SP100: variants seen among roughly 807,000 people sequenced by gnomAD.
SP100 encodes the protein nuclear autoantigen Sp-100.
SP100 carries 84 observed loss-of-function variants against 130.0 expected under a neutral mutation model. The ratio of observed to expected loss-of-function variants is 0.65; its 90% CI spans 0.54 to 0.77. The LOEUF is 0.77. Ranked by LOEUF, SP100 falls within the 30% of genes least tolerant of loss-of-function variation. The pLI, the probability that SP100 is intolerant of heterozygous loss-of-function variation, is 0.00. For missense variants in SP100, 978 were observed against 1,052.2 expected (o/e 0.93, Z 0.97); for synonymous variants, 331 against 351.7 (o/e 0.94, Z 0.66).
At chr2:230,512,919 C>T (rs570035276) in intron 24 of SP100, among the ~76,000 whole-genome samples, 12 of 152,288 alleles carry the variant, frequency 7.9e-5, no homozygotes, top group Admixed American at 6.5e-4. Context: ...AGCACGCAAC[C>T]TGGATCCCTC....
In SP100 at chr2:230,438,361, T is replaced by G. The variant is rs1481636508; in HGVS notation, c.108-4576T>G. Among the ~76,000 whole-genome samples the G allele has an allele frequency of 6.6e-5, 10 of 152,228 alleles. No homozygotes were observed. The East Asian group carries it at 1.9e-3, about 29-fold the overall frequency. ...TCATTAGTGGTGATTTCTGAGATTT[T>G]GGTGCATCTGTCACCCAAGCAGTGT... On this transcript the variant is annotated intron_variant, in intron 2 of 28. Coordinates refer to ENST00000340126, the MANE Select transcript of SP100 (RefSeq NM_001080391.2).
chr2:230,420,119 G>A (rs763591514), intron 2 of SP100, among the ~76,000 whole-genome samples: 4 of 152,136 alleles, frequency 2.6e-5, no homozygotes, highest in East Asian at 1.9e-4. Context: ...TTGTTGGGTC[G>A]CTTTAGTTCT....
At chr2:230,436,877 T>C (rs1462825012) in intron 2 of SP100, among the ~76,000 whole-genome samples, 1 of 150,616 alleles carries the variant, frequency 6.6e-6, no homozygotes, top group South Asian at 2.1e-4. Flanking sequence ...TATATGTGTA[T>C]ACACACACAT....
chr2:230,492,010 T>C (rs573644043), intron 17 of SP100, among the ~76,000 whole-genome samples: 1 of 152,308 alleles, frequency 6.6e-6, no homozygotes, highest in East Asian at 1.9e-4. Context: ...TAGTGATTAC[T>C]TTTAGGATTA....
chr2:230,517,538 G>C (rs1451031763), intron 24 of SP100, among the ~76,000 whole-genome samples: 5 of 152,160 alleles, frequency 3.3e-5, no homozygotes, highest in African/African-American at 9.7e-5. Context: ...AAGGCAGGCA[G>C]ATCACCCGAA....
intron 24 of SP100, among the ~76,000 whole-genome samples, chr2:230,530,378 T>G (rs879799377): frequency 2.0e-5 from 3 of 151,084 alleles, no homozygotes; most frequent in Non-Finnish European, 4.5e-5. Context: ...GCTAGCCATA[T>G]GTAGAAAGCT....
intron 24 of SP100, among the ~76,000 whole-genome samples, chr2:230,524,367 AAAAAG>A (rs1691325952): frequency 6.7e-6 from 1 of 149,486 alleles, no homozygotes; most frequent in African/African-American, 2.5e-5. Flanking sequence ...AAAAAAAAAA[AAAAAG>A]AAAAAGAAAA....
intron 15 of SP100, among the ~76,000 whole-genome samples, chr2:230,472,731 G>A (rs2065336879): frequency 6.6e-6 from 1 of 152,166 alleles, no homozygotes; most frequent in Non-Finnish European, 1.5e-5. Flanking sequence ...GATCTGAAAT[G>A]ACCATGAGAT....
chr2:230,489,713 C>T (rs925710106), intron 17 of SP100, among the ~76,000 whole-genome samples: 4 of 152,020 alleles, frequency 2.6e-5, no homozygotes, highest in African/African-American at 7.2e-5. Flanking sequence ...GGTACGTTGT[C>T]TTTTTGTTCT....
intron 8 of SP100, 101 bp from the exon 9 acceptor site, chr2:230,461,161 T>G: frequency 4.4e-6 from 5 of 1,125,816 alleles, no homozygotes; most frequent in Non-Finnish European, 6.5e-6. Flanking sequence ...GGGGTGAAGG[T>G]CTAGCCCCAG....
In SP100 at chr2:230,542,835, G is replaced by T; in HGVS notation, c.2548-1G>T. ...TATTGTTTTTTTCTTTGCTTTTTTA[G>T]GAAGATAAATTCACCAGACTGGGAA... On this transcript the variant is annotated splice_acceptor_variant, in intron 28 of 28. Coordinates refer to ENST00000340126, the MANE Select transcript of SP100 (RefSeq NM_001080391.2). LOFTEE classifies it high-confidence loss of function. The T allele has an allele frequency of 6.3e-7, 1 of 1,586,710 alleles. No homozygotes were observed. The highest frequency in any genetic ancestry group is 8.7e-7 in the Non-Finnish European group (1 of 1,156,012).
At chr2:230,455,184 C>G (rs901909322) in intron 8 of SP100, among the ~76,000 whole-genome samples, 10 of 152,136 alleles carry the variant, frequency 6.6e-5, no homozygotes, top group Non-Finnish European at 1.5e-4. Context: ...AGGCAATCCC[C>G]CCAAGTAGCT....
chr2:230,492,853 A>G (rs570175310), intron 17 of SP100, among the ~76,000 whole-genome samples: 2 of 152,282 alleles, frequency 1.3e-5, no homozygotes, highest in East Asian at 3.9e-4. Flanking sequence ...TAGTTTGCTC[A>G]TTCTTTGTTT....
At chr2:230,416,883 T>G (rs2062613904) in intron 1 of SP100, 1 of 985,322 alleles carries the variant, frequency 1.0e-6, no homozygotes, top group Non-Finnish European at 1.2e-6. Flanking sequence ...AGGCCCAGGG[T>G]GACAAACGGC....
In SP100 at chr2:230,449,068, T is replaced by C; in HGVS notation, c.524-20T>C. On this transcript the variant is annotated intron_variant, in intron 5 of 28. Transcript: ENST00000340126. ...CCATACCTCGATTTCTGAAATAAACTTCTAATTTCTTCCTGCCAGGAACTG... is the reference window on the plus strand; with the variant it reads ...CCATACCTCGATTTCTGAAATAAACCTCTAATTTCTTCCTGCCAGGAACTG... 4.2e-6 allele frequency: 6 copies of C among 1,440,272 alleles called. No homozygotes were observed. The highest frequency in any genetic ancestry group is 4.9e-6 in the Non-Finnish European group (5 of 1,021,406). The allele number at this position is 1,440,272 out of a possible 1,614,324, so 89.2% of individuals were successfully genotyped here. A position where few individuals can be genotyped will look rare whatever the true frequency, so the allele number is the denominator to read the frequency against.
rs115238845 is a variant in SP100, at chr2:230,502,327, G to A, written c.1721-739G>A. Among the ~76,000 whole-genome samples the A allele has an allele frequency of 6.6e-3, 1,002 of 152,216 alleles. 13 individuals are homozygous for A. Among genetic ancestry groups the A allele is most frequent in the African/African-American group, 0.023 (960 of 41,508 alleles). The stretch of plus-strand genomic sequence containing the variant: ...TTGGTCATTTTCCTCACCATTTTCA[G>A]TACAAAACCTTCCAAGTTTACATAT... On this transcript the variant is annotated intron_variant, in intron 19 of 28. Transcript: ENST00000340126.
chr2:230,539,629 T>G (rs1201680270), intron 25 of SP100, among the ~76,000 whole-genome samples: 1 of 152,190 alleles, frequency 6.6e-6, no homozygotes, highest in Non-Finnish European at 1.5e-5. Context: ...AGGTGTCAAC[T>G]TCTACCTCCC....
chr2:230,519,499 T>C (rs1691071689), intron 24 of SP100, among the ~76,000 whole-genome samples: 2 of 152,182 alleles, frequency 1.3e-5, no homozygotes, highest in Non-Finnish European at 2.9e-5. Context: ...ATGTGTGTAT[T>C]GTGACATTCC....
At chr2:230,420,422 G>A (rs753384625) in intron 2 of SP100, among the ~76,000 whole-genome samples, 41 of 152,018 alleles carry the variant, frequency 2.7e-4, no homozygotes, top group Non-Finnish European at 5.1e-4. Flanking sequence ...AGCCAGGACT[G>A]CCAGTGTAAT....
Sources: gnomAD v4.1 joint callset for allele counts (sites outside exome capture counted in the v4.1 genomes callset) on GRCh38, gnomAD v4.1.1 for gene constraint, MANE v1.5 for transcripts, NCBI Gene and HGNC (gene_info 2026-07-23, HGNC 2026-07-21) for gene names.